Variants in KIAA0825 observed in about 807,000 individuals in gnomAD.
KIAA0825 encodes KIAA0825, also known as uncharacterized protein KIAA0825.
KIAA0825 carries 119 observed loss-of-function variants against 147.6 expected under a neutral mutation model. The ratio of observed to expected loss-of-function variants is 0.81; its 90% CI spans 0.69 to 0.94. KIAA0825 has a LOEUF of 0.94. KIAA0825 is among the 40% of genes least tolerant of loss of function. The pLI is 0.00. For missense variants in KIAA0825, 1,381 were observed against 1,472.7 expected, an observed-to-expected ratio of 0.94 and a Z score of 1.02; for synonymous variants, 470 against 518.1, an observed-to-expected ratio of 0.91 and a Z score of 1.26.
At chr5:94,299,248 G>C (rs1313990760) in intron 20 of KIAA0825, among the ~76,000 whole-genome samples, 1 of 151,888 alleles carries the variant, frequency 6.6e-6, no homozygotes, top group Non-Finnish European at 1.5e-5. Context: ...ACAGAATCTT[G>C]CTCTGTCACC....
At chr5:94,486,150 T>C (rs1326228529) in intron 5 of KIAA0825, among the ~76,000 whole-genome samples, 1 of 152,002 alleles carries the variant, frequency 6.6e-6, no homozygotes, top group Non-Finnish European at 1.5e-5. Context: ...GAATCCTATC[T>C]TTATTAATGC....
intron 2 of KIAA0825, chr5:94,567,552 T>G (rs967799228): frequency 6.6e-6 from 1 of 152,274 alleles, no homozygotes; most frequent in Non-Finnish European, 1.5e-5. Context: ...TTTCAACTCT[T>G]CATCGGCTGA....
At chr5:94,589,570 A>C (rs1275297549) in intron 1 of KIAA0825, among the ~76,000 whole-genome samples, 1 of 152,152 alleles carries the variant, frequency 6.6e-6, no homozygotes, top group Non-Finnish European at 1.5e-5. Context: ...TGAGGTCTTA[A>C]TATTACAAAA....
At chr5:94,456,630 C>G (rs1431783781) in intron 12 of KIAA0825, among the ~76,000 whole-genome samples, 3 of 152,280 alleles carry the variant, frequency 2.0e-5, no homozygotes, top group South Asian at 4.1e-4. Flanking sequence ...TATATTTAGC[C>G]TTCGTTTTCT....
At chr5:94,583,423 C>T (rs1029997704) in intron 1 of KIAA0825, among the ~76,000 whole-genome samples, 5 of 152,308 alleles carry the variant, frequency 3.3e-5, no homozygotes, top group Admixed American at 6.5e-5. Flanking sequence ...AGTCTGAGAT[C>T]GACCTGGGAT....
chr5:94,284,972 C>T (rs544433769), intron 20 of KIAA0825, among the ~76,000 whole-genome samples: 1 of 152,186 alleles, frequency 6.6e-6, no homozygotes, highest in African/African-American at 2.4e-5. Flanking sequence ...TGAGGGCAGT[C>T]TCTATTTTGT....
chr5:94,606,923 G>A (rs1226431970), intron 1 of KIAA0825, among the ~76,000 whole-genome samples: 2 of 152,064 alleles, frequency 1.3e-5, no homozygotes, highest in Non-Finnish European at 2.9e-5. Flanking sequence ...AGAAACAGGA[G>A]GAGGTACCAG....
intron 20 of KIAA0825, among the ~76,000 whole-genome samples, chr5:94,247,195 G>A (rs2150113881): frequency 6.6e-6 from 1 of 152,160 alleles, no homozygotes; most frequent in African/African-American, 2.4e-5. Flanking sequence ...TGTGTATTTT[G>A]TCTCTAAAAG....
At chr5:94,160,579 A>G (rs1767469652) in intron 20 of KIAA0825, among the ~76,000 whole-genome samples, 1 of 148,336 alleles carries the variant, frequency 6.7e-6, no homozygotes, top group South Asian at 2.1e-4. Flanking sequence ...ATGTGTATAT[A>G]TTAAATATAT....
At chr5:94,195,650 G>A (rs1771067136) in intron 20 of KIAA0825, among the ~76,000 whole-genome samples, 1 of 151,090 alleles carries the variant, frequency 6.6e-6, no homozygotes, top group South Asian at 2.1e-4. Flanking sequence ...AGTGACAAGA[G>A]CTCTTTTTTT....
At chr5:94,300,689 T>C (rs1342718591) in intron 20 of KIAA0825, among the ~76,000 whole-genome samples, 2 of 152,150 alleles carry the variant, frequency 1.3e-5, no homozygotes. Context: ...TCAAAGGCTA[T>C]GGCTAAACAA....
intron 20 of KIAA0825, among the ~76,000 whole-genome samples, chr5:94,232,222 G>C (rs184116374): frequency 1.3e-5 from 2 of 152,122 alleles, no homozygotes; most frequent in Admixed American, 1.3e-4. Flanking sequence ...AGCATAAATT[G>C]TTTGAAAGCA....
chr5:94,596,090 G>A (rs1003269733), intron 1 of KIAA0825, among the ~76,000 whole-genome samples: 1 of 152,130 alleles, frequency 6.6e-6, no homozygotes, highest in African/African-American at 2.4e-5. Flanking sequence ...AAGCTCTTAA[G>A]TTTAATTAGG....
intron 20 of KIAA0825, among the ~76,000 whole-genome samples, chr5:94,307,786 A>C (rs142399458): frequency 1.6e-3 from 237 of 151,822 alleles, no homozygotes; most frequent in African/African-American, 5.3e-3. Context: ...TTTGGTACTT[A>C]TTCCACCATA....
intron 4 of KIAA0825, 134 bp from the exon 5 acceptor site, chr5:94,521,051 T>A: frequency 1.2e-6 from 1 of 825,068 alleles, no homozygotes; most frequent in Admixed American, 3.0e-5. Context: ...TTTTTTTGCA[T>A]TTGAAATTTA....
chr5:94,396,265 A>C lies in KIAA0825; in HGVS notation c.3132T>G (p.Ser1044Arg). ...TACAAATTAAACCCAATTTTTCTTTACTCCATCTGTCAAGAGAGGCACCTG... is the reference window on the plus strand; with the variant it reads ...TACAAATTAAACCCAATTTTTCTTTCCTCCATCTGTCAAGAGAGGCACCTG... ...LLTGASLDRWSKEKLGLICMC... is the reference protein window; with the variant it reads ...LLTGASLDRWRKEKLGLICMC... The change falls in exon 17 of 21, where the codon AGT (serine) becomes AGG (arginine). Residue 1044 changes from serine (S) to arginine (R), a missense_variant. By Grantham distance (110) the Ser-to-Arg change is moderately radical (BLOSUM62 -1). Transcript: ENST00000682413. The C allele has an allele frequency of 6.4e-7, 1 of 1,551,112 alleles. No individual in the cohort carries two copies. Among genetic ancestry groups the C allele is most frequent in the Non-Finnish European group, 8.7e-7 (1 of 1,146,800 alleles).
At position 94,213,895 on chromosome 5, in the gene KIAA0825, C is replaced by G. The variant is rs139980394; in HGVS notation, c.3711-59771G>C. Among the ~76,000 whole-genome samples the G allele has an allele frequency of 1.5e-3, 221 of 152,310 alleles. 1 individual carries two copies. Among genetic ancestry groups the G allele is most frequent in the Non-Finnish European group, 2.7e-3 (181 of 68,030 alleles). On this transcript the variant is annotated intron_variant, in intron 20 of 20. Transcript: ENST00000682413. ...TGATCATGGCACGTAACATGCTGGA[C>G]TGTAACTGCTTTGTTATCTGTCCAT...
intron 17 of KIAA0825, among the ~76,000 whole-genome samples, chr5:94,393,849 CTTTTTTTT>C (rs34735109): frequency 3.5e-4 from 48 of 139,086 alleles, no homozygotes; most frequent in Non-Finnish European, 2.7e-4. Context: ...AAGAAACACT[CTTTTTTTT>C]TTTTTTTTGA....
intron 20 of KIAA0825, among the ~76,000 whole-genome samples, chr5:94,167,231 T>C (rs1262821347): frequency 6.6e-6 from 1 of 152,202 alleles, no homozygotes; most frequent in Non-Finnish European, 1.5e-5. Context: ...TTAAGAAATA[T>C]GCATAGTTTC....
Sources: gnomAD v4.1 joint callset for allele counts (sites outside exome capture counted in the v4.1 genomes callset) on GRCh38, gnomAD v4.1.1 for gene constraint, MANE v1.5 for transcripts, NCBI Gene and HGNC (gene_info 2026-07-23, HGNC 2026-07-21) for gene names.